Variants in APAF1 observed in about 807,000 individuals in gnomAD.
APAF1 encodes apoptotic peptidase activating factor 1, also known as apoptotic protease-activating factor 1.
Under a neutral mutation model 152.4 loss-of-function variants are expected in APAF1, and 91 were observed. That is an observed-to-expected ratio of 0.60 (90% CI 0.50 to 0.71). APAF1 has a LOEUF of 0.71. APAF1 is among the 30% of genes least tolerant of loss of function. The pLI is 0.00. For synonymous variants in APAF1, 484 were observed against 494.1 expected (o/e 0.98, Z 0.27); for missense variants, 1,283 against 1,472.0 (o/e 0.87, Z 2.10).
chr12:98,718,685 C>G (rs920116811), intron 22 of APAF1, among the ~76,000 whole-genome samples: 2 of 152,094 alleles, frequency 1.3e-5, no homozygotes, highest in Non-Finnish European at 1.5e-5. Context: ...CCTTTAATCC[C>G]AGCACTTTGG....
intron 14 of APAF1, among the ~76,000 whole-genome samples, chr12:98,682,044 A>ATTTT (rs1201758624): frequency 7.1e-5 from 10 of 141,202 alleles, no homozygotes; most frequent in African/African-American, 2.2e-4. Context: ...ATGATGATTA[A>ATTTT]TTTTTTTGTT....
chr12:98,705,145 A>T (rs906652766), intron 18 of APAF1, among the ~76,000 whole-genome samples: 1 of 152,012 alleles, frequency 6.6e-6, no homozygotes, highest in Non-Finnish European at 1.5e-5. Flanking sequence ...ATTTTTAGAA[A>T]CAGTACTAAG....
chr12:98,652,278 A>G (rs1405874510), intron 4 of APAF1, among the ~76,000 whole-genome samples: 1 of 152,202 alleles, frequency 6.6e-6, no homozygotes, highest in Non-Finnish European at 1.5e-5. Flanking sequence ...TAGGATATAC[A>G]AATACCAAAT....
At chr12:98,682,044 A>ATTTTT (rs1201758624) in intron 14 of APAF1, among the ~76,000 whole-genome samples, 7 of 141,200 alleles carry the variant, frequency 5.0e-5, no homozygotes, top group African/African-American at 1.9e-4. Flanking sequence ...ATGATGATTA[A>ATTTTT]TTTTTTTGTT....
At chr12:98,651,336 T>C (rs1417201862) in intron 4 of APAF1, among the ~76,000 whole-genome samples, 1 of 152,244 alleles carries the variant, frequency 6.6e-6, no homozygotes. Flanking sequence ...TCTTTGTAAA[T>C]GTCTGTGTAA....
At chr12:98,665,406 A>G (rs1196805619) in intron 7 of APAF1, 147 bp from the exon 8 acceptor site, 5 of 684,528 alleles carry the variant, frequency 7.3e-6, no homozygotes, top group Admixed American at 2.3e-5. Flanking sequence ...ATAAATATCT[A>G]GAAGTGAAGT....
rs1256619306 is a variant in APAF1, at chr12:98,645,315, G to C, written c.-562G>C. ...AGAGGCGGAGAAGAAGAGGTAGCGA[G>C]TGGACGTGACTGCTCTATCCCGGGC... On this transcript the variant is annotated 5_prime_UTR_variant, in exon 1 of 27. Coordinates refer to ENST00000551964, the MANE Select transcript of APAF1 (RefSeq NM_181861.2). 1 of 152,690 alleles carries C rather than the reference G, an allele frequency of 6.5e-6. No homozygotes were observed. The highest frequency in any genetic ancestry group is 1.5e-5 in the Non-Finnish European group (1 of 68,346). The allele number at this position is 152,690 out of a possible 1,614,324, so 9.5% of individuals were successfully genotyped here.
At chr12:98,675,199 T>C (rs2097685193) in intron 12 of APAF1, among the ~76,000 whole-genome samples, 1 of 152,228 alleles carries the variant, frequency 6.6e-6, no homozygotes. Flanking sequence ...TTTAGGTTGG[T>C]ATAAGCTTAA....
intron 19 of APAF1, 120 bp from the exon 20 acceptor site, chr12:98,708,465 T>C (rs186855672): frequency 6.0e-5 from 60 of 1,002,718 alleles, no homozygotes; most frequent in Non-Finnish European, 8.2e-5. Flanking sequence ...GATTATAATC[T>C]AATATTGAAA....
chr12:98,679,038 G>A (rs1029452494), intron 13 of APAF1, among the ~76,000 whole-genome samples: 1 of 152,334 alleles, frequency 6.6e-6, no homozygotes, highest in Non-Finnish European at 1.5e-5. Context: ...GCCACAAAGG[G>A]CCTGAAGACT....
At position 98,686,817 on chromosome 12, in the gene APAF1, A is replaced by G. The variant is rs1565876108; in HGVS notation, c.2248A>G (p.Arg750Gly). 1 of 1,614,010 alleles carries G rather than the reference A, an allele frequency of 6.2e-7. No homozygotes were observed. The highest frequency in any genetic ancestry group is 8.5e-7 in the Non-Finnish European group (1 of 1,179,932). The part of the protein sequence containing the change: ...FGHTNSVNHC[R>G]FSPDDKLLAS... ...TCATACAAATTCAGTCAATCACTGC[A>G]GATTTTCACCAGATGATAAGCTTTT... Residue 750 changes from arginine (R) to glycine (G), a missense_variant, in exon 16 of 27, where the codon AGA (arginine) becomes GGA (glycine). Physicochemically the swap from Arg to Gly is moderately radical, Grantham distance 125 (BLOSUM62 -2). Transcript: ENST00000551964.
At chr12:98,669,596 T>A (rs1471777369) in intron 10 of APAF1, among the ~76,000 whole-genome samples, 8 of 152,204 alleles carry the variant, frequency 5.3e-5, no homozygotes, top group Non-Finnish European at 2.9e-5. Flanking sequence ...GTGACATGAT[T>A]TTTAAAGCTG....
chr12:98,665,804 A>T lies in APAF1; in HGVS notation c.1194+13A>T. The T allele has an allele frequency of 6.4e-7, 1 of 1,557,140 alleles. No homozygotes were observed. Among genetic ancestry groups the T allele is most frequent in the Non-Finnish European group, 8.9e-7 (1 of 1,128,134 alleles). On this transcript the variant is annotated intron_variant, in intron 8 of 26. Coordinates refer to ENST00000551964, the MANE Select transcript of APAF1 (RefSeq NM_181861.2). ...GGTGCCTACAAAGGTAATGGGATCAATGATCCTCATCATTGGGTATTTATT... is the reference window on the plus strand; with the variant it reads ...GGTGCCTACAAAGGTAATGGGATCATTGATCCTCATCATTGGGTATTTATT...
intron 12 of APAF1, among the ~76,000 whole-genome samples, chr12:98,671,944 C>G (rs909934415): frequency 6.6e-6 from 1 of 152,168 alleles, no homozygotes; most frequent in African/African-American, 2.4e-5. Flanking sequence ...GGCATTTGGA[C>G]AAATTATCCT....
At chr12:98,650,071 A>G (rs1025875787) in intron 4 of APAF1, among the ~76,000 whole-genome samples, 2 of 152,142 alleles carry the variant, frequency 1.3e-5, no homozygotes, top group Non-Finnish European at 2.9e-5. Context: ...TTCATCAGGA[A>G]TAGTTGTATA....
chr12:98,699,600 G>A lies in APAF1; in HGVS notation c.2466+31G>A, dbSNP rs199836156. On this transcript the variant is annotated intron_variant, in intron 17 of 26. Transcript: ENST00000551964. Reference sequence around the variant, plus strand: ...TACTTTAAAAAGCCAACTTCAGTCTGATTTAAAGAAAGTTAAAACTTCTGT... The same window carrying A: ...TACTTTAAAAAGCCAACTTCAGTCTAATTTAAAGAAAGTTAAAACTTCTGT... The A allele has an allele frequency of 3.3e-3, 5,285 of 1,611,148 alleles. 14 individuals carry two copies. Among genetic ancestry groups the A allele is most frequent in the Non-Finnish European group, 4.1e-3 (4,868 of 1,177,498 alleles).
At position 98,735,282 on chromosome 12, in the gene APAF1, A is replaced by T. The variant is rs113354620; in HGVS notation, c.*2716A>T. The stretch of plus-strand genomic sequence containing the variant: ...AATTACATTGGACTTCATATATATA[A>T]TTTTTTTTTACATTATATGTCTCTT... On this transcript the variant is annotated 3_prime_UTR_variant, in exon 27 of 27. Transcript: ENST00000551964. 3.7e-4 allele frequency: 145 copies of T among 396,872 alleles called. 1 individual carries two copies. The highest frequency in any genetic ancestry group is 2.4e-3 in the African/African-American group (114 of 48,250). 24.6% of individuals were successfully genotyped at this position (396,872 alleles called of 1,614,324 possible).
chr12:98,648,570 A>C lies in APAF1; in HGVS notation c.139-56A>C, dbSNP rs1158921311. The C allele has an allele frequency of 1.9e-6, 3 of 1,609,462 alleles. No individual in the cohort carries two copies. The African/African-American group carries it at 4.0e-5, about 22-fold the overall frequency. On this transcript the variant is annotated intron_variant, in intron 2 of 26. Transcript: ENST00000551964. ...TTCAGAACTTGTACTGGTCTCCACT[A>C]CTTTATGTTGCATACATATTCATTG...
chr12:98,708,691 T>G lies in APAF1; in HGVS notation c.2828T>G (p.Ile943Arg), dbSNP rs1280035474. Residue 943 changes from isoleucine to arginine, a missense_variant, in exon 20 of 27, where the codon ATA (isoleucine) becomes AGA (arginine). Physicochemically the swap from Ile to Arg is moderately conservative, Grantham distance 97. Transcript: ENST00000551964. ...GTGATGGTCCTTGCAGTTGACCATATAAGACGTCTGCAAGTGAGTATTTTT... is the reference window on the plus strand; with the variant it reads ...GTGATGGTCCTTGCAGTTGACCATAGAAGACGTCTGCAAGTGAGTATTTTT... ...NEVMVLAVDH[I>R]RRLQLINGRT... is the part of the protein sequence containing the mutation. 1 of 1,613,566 alleles carries G rather than the reference T, an allele frequency of 6.2e-7. No homozygotes were observed. The highest frequency in any genetic ancestry group is 8.5e-7 in the Non-Finnish European group (1 of 1,179,850).
Sources: gnomAD v4.1 joint callset for allele counts (sites outside exome capture counted in the v4.1 genomes callset) on GRCh38, gnomAD v4.1.1 for gene constraint, MANE v1.5 for transcripts, NCBI Gene and HGNC (gene_info 2026-07-23, HGNC 2026-07-21) for gene names.